The following MAN1A1 variants were observed in gnomAD, a reference collection of about 807,000 sequenced individuals.
MAN1A1 encodes mannosyl-oligosaccharide 1,2-alpha-mannosidase IA.
Under a neutral mutation model 70.8 loss-of-function variants are expected in MAN1A1, and 29 were observed. The observed-to-expected ratio is 0.41, with a 90% CI of 0.31 to 0.56. MAN1A1 has a LOEUF of 0.56. Ranked by LOEUF, MAN1A1 falls within the 20% of genes least tolerant of loss-of-function variation. The pLI is 0.29. For synonymous variants in MAN1A1, 349 were observed against 330.1 expected (o/e 1.06, Z -0.62); for missense variants, 747 against 841.3 (o/e 0.89, Z 1.39).
chr6:119,314,974 C>T (rs1364906068), intron 2 of MAN1A1, among the ~76,000 whole-genome samples: 2 of 152,176 alleles, frequency 1.3e-5, no homozygotes, highest in Non-Finnish European at 2.9e-5. Flanking sequence ...AATTCCTCTC[C>T]TCATGCCAAG....
At chr6:119,279,732 C>T (rs1051526929) in intron 5 of MAN1A1, among the ~76,000 whole-genome samples, 8 of 152,196 alleles carry the variant, frequency 5.3e-5, no homozygotes, top group Admixed American at 4.6e-4. Context: ...TCCGCTTTCT[C>T]ATATTGCAAA....
chr6:119,205,185 G>A (rs9489622), intron 6 of MAN1A1, among the ~76,000 whole-genome samples: 66,598 of 152,004 alleles, frequency 0.44, 15,510 homozygotes, highest in Non-Finnish European at 0.52. Flanking sequence ...ATTCCACATA[G>A]AATATAAAAG....
At chr6:119,213,234 T>C (rs1003773208) in intron 6 of MAN1A1, among the ~76,000 whole-genome samples, 1 of 152,198 alleles carries the variant, frequency 6.6e-6, no homozygotes, top group African/African-American at 2.4e-5. Flanking sequence ...AATGTGCGCA[T>C]AGCTTGTGAT....
intron 5 of MAN1A1, among the ~76,000 whole-genome samples, chr6:119,282,315 T>C (rs966230324): frequency 6.6e-6 from 1 of 152,196 alleles, no homozygotes; most frequent in South Asian, 2.1e-4. Flanking sequence ...CAGTACAAGA[T>C]AGGGCTTATG....
chr6:119,342,584 A>G (rs1013438686), intron 2 of MAN1A1, among the ~76,000 whole-genome samples: 8 of 152,212 alleles, frequency 5.3e-5, no homozygotes, highest in African/African-American at 1.9e-4. Context: ...CCAGATTCAG[A>G]CCCACGTTAT....
rs374056053 is a variant in MAN1A1 at position 119,261,181 on chromosome 6, G to A, written c.898-12827C>T. On this transcript the variant is annotated intron_variant, in intron 5 of 12. Transcript: ENST00000368468. The stretch of plus-strand genomic sequence containing the variant: ...TTTTTAGTAGAGACGGGGTTTCACC[G>A]TGTTGGCCAGGATGGTCTCGATCTC... 7.2e-5 allele frequency among the ~76,000 whole-genome samples: 11 copies of A among 151,764 alleles called. No homozygotes were observed. In the East Asian group the frequency reaches 1.2e-3, roughly 16 times the overall value.
At chr6:119,265,359 A>G (rs1355466338) in intron 5 of MAN1A1, among the ~76,000 whole-genome samples, 1 of 152,110 alleles carries the variant, frequency 6.6e-6, no homozygotes, top group Non-Finnish European at 1.5e-5. Context: ...TTGGCCTCCA[A>G]AAGTTCTGGG....
rs1773084069 is a variant in MAN1A1, at chr6:119,179,274, T to C, written c.*545A>G. The C allele has an allele frequency of 6.6e-6, 1 of 152,610 alleles. No individual in the cohort carries two copies. Among genetic ancestry groups the C allele is most frequent in the Non-Finnish European group, 1.5e-5 (1 of 68,016 alleles). 9.5% of individuals were successfully genotyped at this position (152,610 alleles called of 1,614,324 possible). ...AATTTGAATTACAATGTGAGTGAAG[T>C]ATTTTAGAAGACATTCTATCAAATA... On this transcript the variant is annotated 3_prime_UTR_variant, in exon 13 of 13. Transcript: ENST00000368468.
At chr6:119,191,349 C>T (rs1204981948) in intron 9 of MAN1A1, among the ~76,000 whole-genome samples, 1 of 152,126 alleles carries the variant, frequency 6.6e-6, no homozygotes, top group Non-Finnish European at 1.5e-5. Context: ...CATTATTACC[C>T]TGTTATGGAT....
chr6:119,251,674 T>C (rs117191581), intron 5 of MAN1A1, among the ~76,000 whole-genome samples: 1 of 152,190 alleles, frequency 6.6e-6, no homozygotes, highest in Non-Finnish European at 1.5e-5. Flanking sequence ...TATCCCCCAA[T>C]AATTTTTCTT....
intron 6 of MAN1A1, among the ~76,000 whole-genome samples, chr6:119,214,189 C>T (rs1774132361): frequency 6.6e-6 from 1 of 152,150 alleles, no homozygotes; most frequent in Non-Finnish European, 1.5e-5. Flanking sequence ...TGGTCTCGAA[C>T]TCCTGACCTC....
chr6:119,261,363 G>C (rs1023453674), intron 5 of MAN1A1, among the ~76,000 whole-genome samples: 1 of 152,124 alleles, frequency 6.6e-6, no homozygotes, highest in Non-Finnish European at 1.5e-5. Flanking sequence ...AAAAGGAATT[G>C]CTTGCATAAT....
chr6:119,259,022 A>G (rs1208282076), intron 5 of MAN1A1, among the ~76,000 whole-genome samples: 1 of 152,190 alleles, frequency 6.6e-6, no homozygotes, highest in Non-Finnish European at 1.5e-5. Flanking sequence ...AATAGTTATT[A>G]TTCTTGGCTA....
intron 8 of MAN1A1, among the ~76,000 whole-genome samples, chr6:119,197,806 T>G (rs1773612948): frequency 6.6e-6 from 1 of 152,032 alleles, no homozygotes; most frequent in African/African-American, 2.4e-5. Context: ...TTTTTTGTTT[T>G]TTTTTTCCAT....
intron 4 of MAN1A1, among the ~76,000 whole-genome samples, chr6:119,293,617 C>A (rs575482182): frequency 2.0e-5 from 3 of 152,210 alleles, no homozygotes; most frequent in East Asian, 3.9e-4. Context: ...ACATATAATT[C>A]TTTCTCTCTC....
At chr6:119,266,536 A>T (rs1775759065) in intron 5 of MAN1A1, among the ~76,000 whole-genome samples, 1 of 123,724 alleles carries the variant, frequency 8.1e-6, no homozygotes, top group Non-Finnish European at 1.9e-5. Context: ...CCATATACAC[A>T]TACAAAAAAA....
chr6:119,348,720 C>G lies in MAN1A1; in HGVS notation c.346G>C (p.Ala116Pro). Residue 116 changes from alanine to proline, a missense_variant, in exon 2 of 13, where the codon GCC becomes CCC. Coordinates refer to ENST00000368468, the MANE Select transcript of MAN1A1 (RefSeq NM_005907.4). ...EEGAPGDPEA[A>P]LEDNLARIRE... ...ATCCTGGCCAAGTTGTCCTCCAGGG[C>G]GGCCTCCGGGTCCCCGGGTGCCCCC... 6.3e-7 allele frequency: 1 copy of G among 1,591,076 alleles called. No homozygotes were observed.
Position 119,348,891 on chromosome 6 carries a change from T to A in MAN1A1, c.175A>T (p.Ile59Phe), listed in dbSNP as rs2114520729. The A allele has an allele frequency of 6.5e-7, 1 of 1,536,364 alleles. No homozygotes were observed. Among genetic ancestry groups the A allele is most frequent in the East Asian group, 2.7e-5 (1 of 36,780 alleles). ...TTGGAGGAGTCTGGCAGGAAGAAGATCGCCCCGAAGCAGAGCGTGATGAAG... is the reference window on the plus strand; with the variant it reads ...TTGGAGGAGTCTGGCAGGAAGAAGAACGCCCCGAAGCAGAGCGTGATGAAG... ...SAFITLCFGA[I>F]FFLPDSSKLL... is the part of the protein sequence containing the mutation. Residue 59 changes from isoleucine to phenylalanine, a missense_variant, in exon 2 of 13, where the codon ATC (isoleucine) becomes TTC (phenylalanine). By Grantham distance (21) the Ile-to-Phe change is conservative. This residue lies in a region of MAN1A1 where 328 missense variants were observed against 293.1 expected (regional missense o/e 1.12). Coordinates refer to ENST00000368468, the MANE Select transcript of MAN1A1 (RefSeq NM_005907.4).
chr6:119,181,752 T>C (rs1386568865), intron 11 of MAN1A1, among the ~76,000 whole-genome samples: 4 of 152,222 alleles, frequency 2.6e-5, no homozygotes, highest in East Asian at 1.9e-4. Flanking sequence ...TACCGATGTA[T>C]GACAAATACA....
Sources: gnomAD v4.1 joint callset for allele counts (sites outside exome capture counted in the v4.1 genomes callset) on GRCh38, gnomAD v4.1.1 for gene constraint, gnomAD v4.1.1 regional missense constraint, MANE v1.5 for transcripts, NCBI Gene and HGNC (gene_info 2026-07-23, HGNC 2026-07-21) for gene names.